DIXDC1: variants seen among roughly 807,000 people sequenced by gnomAD.
The protein encoded by DIXDC1 is dixin.
In DIXDC1, 64 loss-of-function variants were observed where a neutral mutation model predicts 103.1. The observed-to-expected ratio is 0.62, with a 90% CI of 0.51 to 0.76. The LOEUF (loss-of-function observed/expected upper bound fraction) is 0.76, where lower values mean the gene tolerates loss of function less well. Ranked by LOEUF, DIXDC1 falls within the 30% of genes least tolerant of loss-of-function variation. The probability of loss-of-function intolerance (pLI) is 0.00; values close to 1 mark genes in which losing one functional copy is unlikely to be tolerated. For synonymous variants in DIXDC1, 266 were observed against 298.5 expected (o/e 0.89, Z 1.12); for missense variants, 759 against 834.2 (o/e 0.91, Z 1.11).
At chr11:111,941,576 G>T (rs587775632) in intron 1 of DIXDC1, among the ~76,000 whole-genome samples, 11 of 152,150 alleles carry the variant, frequency 7.2e-5, no homozygotes, top group Non-Finnish European at 1.6e-4. Flanking sequence ...AGCACTTTGA[G>T]AGGCCGAGGC....
chr11:111,963,726 A>G (rs1448060793), intron 1 of DIXDC1, among the ~76,000 whole-genome samples: 2 of 152,218 alleles, frequency 1.3e-5, no homozygotes, highest in Admixed American at 6.5e-5. Context: ...TGTTTAATGG[A>G]CAAAATGTAA....
chr11:111,992,905 T>A (rs1555174700), intron 11 of DIXDC1, 46 bp from the exon 12 acceptor site: 24 of 1,570,732 alleles, frequency 1.5e-5, no homozygotes, highest in Non-Finnish European at 2.1e-5. Context: ...CCTTGAGGGT[T>A]AGCAGGCAGT....
intron 1 of DIXDC1, among the ~76,000 whole-genome samples, chr11:111,949,384 C>T (rs1168919134): frequency 2.0e-5 from 3 of 152,208 alleles, no homozygotes; most frequent in African/African-American, 7.2e-5. Context: ...TAAAGCATCA[C>T]CAGCCAGCCA....
At chr11:111,951,946 A>T (rs1592556197) in intron 1 of DIXDC1, among the ~76,000 whole-genome samples, 1 of 150,120 alleles carries the variant, frequency 6.7e-6, no homozygotes, top group African/African-American at 2.5e-5. Flanking sequence ...GCTTGCTGCG[A>T]TTTCCACCTC....
upstream of DIXDC1, among the ~76,000 whole-genome samples, chr11:111,933,240 T>C (rs1207530355): frequency 2.6e-5 from 4 of 152,164 alleles, no homozygotes; most frequent in Admixed American, 2.6e-4. Context: ...GCGATTCTTC[T>C]GCCTCAGCCT....
At chr11:112,014,969 C>G (rs1555177568) in intron 17 of DIXDC1, among the ~76,000 whole-genome samples, 2 of 151,868 alleles carry the variant, frequency 1.3e-5, no homozygotes, top group African/African-American at 4.8e-5. Context: ...ACTGCAACCT[C>G]TGCCTCCCAG....
rs587671107 is a variant in DIXDC1 at position 112,020,175 on chromosome 11, A to G, written c.*1139A>G. 3 of 152,766 alleles carry G rather than the reference A, an allele frequency of 2.0e-5. No individual in the cohort carries two copies. Among genetic ancestry groups the G allele is most frequent in the South Asian group, 4.1e-4 (2 of 4,830 alleles). The allele number at this position is 152,766 out of a possible 1,614,324, so 9.5% of individuals were successfully genotyped here. A position where few individuals can be genotyped will look rare whatever the true frequency, so the allele number is the denominator to read the frequency against. The stretch of plus-strand genomic sequence containing the variant: ...GATGTGCAACATTGTCAAGTGAAGA[A>G]GCTAACAGTTCAACTACCGAGATTA... On this transcript the variant is annotated 3_prime_UTR_variant, in exon 20 of 20. Transcript: ENST00000440460.
At chr11:111,975,682 T>C in intron 5 of DIXDC1, 2 of 985,704 alleles carry the variant, frequency 2.0e-6, no homozygotes, top group Non-Finnish European at 2.4e-6. Flanking sequence ...TGCTGAATCA[T>C]AATTTATGCT....
intron 1 of DIXDC1, chr11:111,946,878 C>G: frequency 2.9e-6 from 1 of 349,608 alleles, no homozygotes; most frequent in Non-Finnish European, 5.9e-6. Context: ...AATGGTATGC[C>G]AAATGCTGGA....
intron 1 of DIXDC1, among the ~76,000 whole-genome samples, chr11:111,928,841 T>C (rs997019815): frequency 6.6e-6 from 1 of 152,114 alleles, no homozygotes; most frequent in Admixed American, 6.5e-5. Flanking sequence ...AATAAGATGA[T>C]GTAGATGATA....
chr11:111,993,442 C>T, intron 12 of DIXDC1, 54 bp from the exon 13 acceptor site: 5 of 1,603,226 alleles, frequency 3.1e-6, no homozygotes, highest in Non-Finnish European at 3.4e-6. Context: ...AGAGGGTGAA[C>T]TTTTCAGTGT....
rs1419374563 is a variant in DIXDC1, at chr11:111,982,362, C to G, written c.793C>G (p.Arg265Gly). 6.2e-7 allele frequency: 1 copy of G among 1,613,902 alleles called. No individual in the cohort carries two copies. The highest frequency in any genetic ancestry group is 8.5e-7 in the Non-Finnish European group (1 of 1,179,864). ...RTEGTDSPLS[R>G]DWRPGSPGTY... Reference sequence around the variant, plus strand: ...AGAAGGGACAGATTCTCCATTATCTCGAGACTGGCGGCCAGGGAGCCCTGG... The same window carrying G: ...AGAAGGGACAGATTCTCCATTATCTGGAGACTGGCGGCCAGGGAGCCCTGG... The change falls in exon 7 of 20, where the codon CGA becomes GGA. Residue 265 changes from arginine (R) to glycine (G), a missense_variant. Physicochemically the swap from Arg to Gly is moderately radical, Grantham distance 125. This residue lies in a region of DIXDC1 where 657 missense variants were observed against 727.5 expected (regional missense o/e 0.90). Transcript: ENST00000440460.
chr11:112,007,383 T>A (rs769559632), intron 17 of DIXDC1, among the ~76,000 whole-genome samples: 44 of 152,252 alleles, frequency 2.9e-4, no homozygotes, highest in Middle Eastern at 6.8e-3. Flanking sequence ...AAAACACTGT[T>A]CAGGATATTA....
At position 111,974,062 on chromosome 11, in the gene DIXDC1, T is replaced by C; in HGVS notation, c.356T>C (p.Val119Ala). The C allele has an allele frequency of 6.2e-7, 1 of 1,613,986 alleles. No individual in the cohort carries two copies. The highest frequency in any genetic ancestry group is 1.1e-5 in the South Asian group (1 of 91,072). ...DGNLKSIMRL[V>A]LALAAHFKPG... ...AACCTGAAGTCTATCATGAGGCTGG[T>C]CCTTGCCTTGGCAGCTCATTTCAAA... Residue 119 changes from valine (V) to alanine (A), a missense_variant, in exon 4 of 20, where the codon GTC (valine) becomes GCC (alanine). Val to Ala is a moderately conservative substitution (Grantham distance 64). Coordinates refer to ENST00000440460, the MANE Select transcript of DIXDC1 (RefSeq NM_001037954.4).
intron 1 of DIXDC1, among the ~76,000 whole-genome samples, chr11:111,952,811 C>G (rs1592557352): frequency 6.8e-6 from 1 of 147,066 alleles, no homozygotes; most frequent in Middle Eastern, 3.4e-3. Context: ...CAGCGTGAGA[C>G]TTTGTCTCAA....
At chr11:111,992,655 TTTTATTCCCCA>T in intron 11 of DIXDC1, 136 bp downstream of exon 11, 1 of 799,032 alleles carries the variant, frequency 1.3e-6, no homozygotes, top group African/African-American at 1.7e-5. Flanking sequence ...CTGCAGTTAT[TTTTATTCCCCA>T]TTAGACTCAT....
intron 8 of DIXDC1, among the ~76,000 whole-genome samples, chr11:111,986,208 G>C (rs1555173804): frequency 6.6e-6 from 1 of 151,996 alleles, no homozygotes; most frequent in Non-Finnish European, 1.5e-5. Flanking sequence ...ACTTCATTTT[G>C]TAACCCTTCT....
chr11:111,944,222 G>A (rs1464156577), intron 1 of DIXDC1, among the ~76,000 whole-genome samples: 1 of 152,128 alleles, frequency 6.6e-6, no homozygotes, highest in African/African-American at 2.4e-5. Flanking sequence ...TTTCCTTCCT[G>A]AGCCATTCAT....
At chr11:111,952,508 G>A (rs946009549) in intron 1 of DIXDC1, among the ~76,000 whole-genome samples, 1 of 152,032 alleles carries the variant, frequency 6.6e-6, no homozygotes, top group East Asian at 1.9e-4. Flanking sequence ...GCAACAAAGT[G>A]AGACCCTGTC....
Sources: allele counts gnomAD v4.1 joint callset (sites outside exome capture counted in the v4.1 genomes callset), GRCh38; gene constraint gnomAD v4.1.1; regional missense constraint gnomAD v4.1.1; transcripts MANE v1.5; gene names NCBI Gene and HGNC (gene_info 2026-07-23, HGNC 2026-07-21).